ITSN1: variants seen among roughly 807,000 people sequenced by gnomAD.
ITSN1 encodes the protein intersectin-1.
In ITSN1, 58 loss-of-function variants were observed where a neutral mutation model predicts 239.8. That is an observed-to-expected ratio of 0.24 (90% confidence interval 0.20 to 0.30). The LOEUF (loss-of-function observed/expected upper bound fraction) is 0.30, where lower values mean the gene tolerates loss of function less well. Ranked by LOEUF, ITSN1 falls within the 10% of genes least tolerant of loss-of-function variation. The probability of loss-of-function intolerance (pLI) is 1.00; values close to 1 mark genes in which losing one functional copy is unlikely to be tolerated. For synonymous variants in ITSN1, 780 were observed against 770.8 expected (o/e 1.01, Z -0.20); for missense variants, 1,558 against 2,103.3 (o/e 0.74, Z 5.07).
chr21:33,774,947 A>G (rs752761833), intron 13 of ITSN1, 21 bp from the exon 14 acceptor site: 1 of 1,603,474 alleles, frequency 6.2e-7, no homozygotes, highest in South Asian at 1.1e-5. Context: ...AATAATTTTT[A>G]TTATCTTTCA....
At position 33,772,197 on chromosome 21, in the gene ITSN1, G is replaced by A; in HGVS notation, c.1179G>A (p.Arg393=). 1 of 1,613,922 alleles carries A rather than the reference G, an allele frequency of 6.2e-7. No individual in the cohort carries two copies. The highest frequency in any genetic ancestry group is 8.5e-7 in the Non-Finnish European group (1 of 1,179,896). Residue 393 remains arginine, a synonymous_variant, in exon 12 of 40, where the codon AGG becomes AGA. Coordinates refer to ENST00000381318, the MANE Select transcript of ITSN1 (RefSeq NM_003024.3). ...LAQLERAEQE[R]KERERQEQER... ...AGCTGGAGCGGGCGGAGCAGGAGAGGAAGGAGCGTGAGCGCCAGGAGCAAG... is the reference window on the plus strand; with the variant it reads ...AGCTGGAGCGGGCGGAGCAGGAGAGAAAGGAGCGTGAGCGCCAGGAGCAAG...
chr21:33,738,694 C>G (rs989435352), intron 5 of ITSN1, among the ~76,000 whole-genome samples: 1 of 152,120 alleles, frequency 6.6e-6, no homozygotes, highest in Non-Finnish European at 1.5e-5. Flanking sequence ...GCCACCGCAC[C>G]CGGATGGCTT....
At chr21:33,840,200 C>A (rs1166012645) in intron 29 of ITSN1, among the ~76,000 whole-genome samples, 1 of 152,132 alleles carries the variant, frequency 6.6e-6, no homozygotes, top group Non-Finnish European at 1.5e-5. Flanking sequence ...TAAACTACTT[C>A]AGTCATATTC....
At chr21:33,729,446 TCAAA>T (rs1176875992) in intron 4 of ITSN1, among the ~76,000 whole-genome samples, 6 of 149,508 alleles carry the variant, frequency 4.0e-5, no homozygotes, top group East Asian at 2.0e-4. Flanking sequence ...AGACCCTGTC[TCAAA>T]CAAACAAACA....
rs146059781 is a variant in ITSN1, at chr21:33,681,060, C to G, written c.-32-37737C>G. ...AAAAGTGGCATGTGCCATTTCAACTCATACTTCATTGGCCAAAAGCAAGTC... is the reference window on the plus strand; with the variant it reads ...AAAAGTGGCATGTGCCATTTCAACTGATACTTCATTGGCCAAAAGCAAGTC... On this transcript the variant is annotated intron_variant, in intron 1 of 39. Coordinates refer to ENST00000381318, the MANE Select transcript of ITSN1 (RefSeq NM_003024.3). 2.3e-3 allele frequency among the ~76,000 whole-genome samples: 343 copies of G among 152,306 alleles called. 1 individual carries two copies. Among genetic ancestry groups the G allele is most frequent in the African/African-American group, 8.0e-3 (334 of 41,562 alleles).
chr21:33,706,377 A>C (rs1313192914), intron 1 of ITSN1, among the ~76,000 whole-genome samples: 1 of 152,112 alleles, frequency 6.6e-6, no homozygotes, highest in Non-Finnish European at 1.5e-5. Context: ...TTCCCCACTT[A>C]TATGAAATTT....
chr21:33,865,081 A>T lies in ITSN1; in HGVS notation c.3891-70A>T. On this transcript the variant is annotated intron_variant, in intron 31 of 39. Coordinates refer to ENST00000381318, the MANE Select transcript of ITSN1 (RefSeq NM_003024.3). The surrounding 1 kb of genome is among the most constrained non-coding windows in gnomAD (Gnocchi z 4.4). ...CCTCACACACATTCTGTTTCTGTGC[A>T]ACCTAAGTGTGCTGTGGTGCTGTCA... The T allele has an allele frequency of 6.8e-7, 1 of 1,472,170 alleles. No individual in the cohort carries two copies. The highest frequency in any genetic ancestry group is 9.2e-7 in the Non-Finnish European group (1 of 1,085,858). 91.2% of individuals were successfully genotyped at this position (1,472,170 alleles called of 1,614,324 possible). A position where few individuals can be genotyped will look rare whatever the true frequency, so the allele number is the denominator to read the frequency against.
intron 20 of ITSN1, among the ~76,000 whole-genome samples, chr21:33,809,568 TA>T (rs768271787): frequency 5.9e-5 from 9 of 152,232 alleles, no homozygotes; most frequent in Non-Finnish European, 1.3e-4. Flanking sequence ...GCTTTATTTT[TA>T]ATTAATTTTT....
intron 1 of ITSN1, among the ~76,000 whole-genome samples, chr21:33,677,305 A>G (rs572733444): frequency 6.6e-6 from 1 of 152,090 alleles, no homozygotes; most frequent in South Asian, 2.1e-4. Context: ...GCATCTAATA[A>G]TAAGCTGTTC....
chr21:33,860,360 A>G (rs974984094), intron 31 of ITSN1, among the ~76,000 whole-genome samples: 1 of 152,012 alleles, frequency 6.6e-6, no homozygotes, highest in Admixed American at 6.6e-5. Context: ...GTAAGTTAAA[A>G]CCTTTTTCCT....
intron 33 of ITSN1, among the ~76,000 whole-genome samples, chr21:33,869,027 C>T (rs1982247484): frequency 6.6e-6 from 1 of 152,078 alleles, no homozygotes; most frequent in Admixed American, 6.5e-5. Context: ...TGGTCTGTGC[C>T]TTTCTCCCTT....
Position 33,838,362 on chromosome 21 carries a change from G to A in ITSN1, c.3661+1730G>A, listed in dbSNP as rs182369660. On this transcript the variant is annotated intron_variant, in intron 29 of 39. Transcript: ENST00000381318. ...CAGAGAGCGAGGACCTCTCCTCCTCGTTCAGTTGCACTTCAGTATTTTCAC... is the reference window on the plus strand; with the variant it reads ...CAGAGAGCGAGGACCTCTCCTCCTCATTCAGTTGCACTTCAGTATTTTCAC... The A allele has an allele frequency of 3.5e-5, 34 of 985,270 alleles. No individual in the cohort carries two copies. In the East Asian group the frequency reaches 7.9e-4, roughly 23 times the overall value. 61.0% of individuals were successfully genotyped at this position (985,270 alleles called of 1,614,324 possible).
chr21:33,812,619 C>T (rs2072991582), intron 21 of ITSN1, among the ~76,000 whole-genome samples: 2 of 152,096 alleles, frequency 1.3e-5, no homozygotes, highest in South Asian at 4.2e-4. Flanking sequence ...CTGCCTCAGC[C>T]TCCTAAGTAG....
At chr21:33,728,760 A>G (rs911549747) in intron 4 of ITSN1, among the ~76,000 whole-genome samples, 2 of 152,162 alleles carry the variant, frequency 1.3e-5, no homozygotes, top group South Asian at 2.1e-4. Context: ...ATCACCATGT[A>G]AAATAATCTG....
At chr21:33,858,830 C>A in intron 31 of ITSN1, 38 bp downstream of exon 31, 1 of 1,285,814 alleles carries the variant, frequency 7.8e-7, no homozygotes, top group Non-Finnish European at 1.1e-6. Flanking sequence ...GGCTTGGCCT[C>A]CTCGGCTCTC....
At chr21:33,651,365 C>T (rs2088516212) in intron 1 of ITSN1, among the ~76,000 whole-genome samples, 1 of 152,208 alleles carries the variant, frequency 6.6e-6, no homozygotes, top group Non-Finnish European at 1.5e-5. Context: ...TAGAGAGGAA[C>T]ATTCCATTGA....
intron 4 of ITSN1, among the ~76,000 whole-genome samples, chr21:33,730,696 A>G (rs1213402847): frequency 3.4e-5 from 5 of 145,174 alleles, no homozygotes; most frequent in African/African-American, 1.3e-4. Flanking sequence ...CACCGTGCCC[A>G]GCCTGTTTTT....
intron 19 of ITSN1, 129 bp downstream of exon 19, chr21:33,800,058 T>A: frequency 1.1e-6 from 1 of 890,396 alleles, no homozygotes; most frequent in Non-Finnish European, 1.6e-6. Context: ...TCTAGATTTT[T>A]AAAGTATAAG....
intron 29 of ITSN1, among the ~76,000 whole-genome samples, chr21:33,847,850 A>G (rs1049555237): frequency 6.6e-6 from 1 of 152,180 alleles, no homozygotes; most frequent in African/African-American, 2.4e-5. Flanking sequence ...TTTCCAGGCC[A>G]TCTTTCCTCT....
Sources: allele counts gnomAD v4.1 joint callset (sites outside exome capture counted in the v4.1 genomes callset), GRCh38; gene constraint gnomAD v4.1.1; non-coding constraint Gnocchi (gnomAD v3.1); transcripts MANE v1.5; gene names NCBI Gene and HGNC (gene_info 2026-07-23, HGNC 2026-07-21).